RXFP1: variants seen among roughly 807,000 people sequenced by gnomAD.
The protein encoded by RXFP1 is relaxin receptor 1.
A neutral mutation model predicts 89.8 loss-of-function variants in RXFP1; 73 were observed. That is an observed-to-expected ratio of 0.81 (90% confidence interval 0.67 to 0.99). The LOEUF is 0.99. RXFP1 is among the 50% of genes least tolerant of loss of function. The pLI is 0.00. For missense variants in RXFP1, 793 were observed against 895.5 expected, an observed-to-expected ratio of 0.89 and a Z score of 1.46; for synonymous variants, 277 against 305.5, an observed-to-expected ratio of 0.91 and a Z score of 0.97.
chr4:158,593,567 C>A, intron 3 of RXFP1, 68 bp downstream of exon 3: 1 of 805,626 alleles, frequency 1.2e-6, no homozygotes, highest in South Asian at 2.7e-5. Context: ...AAGTTTGATT[C>A]AACATTTTAA....
chr4:158,524,872 G>T (rs1433487847), intron 1 of RXFP1, among the ~76,000 whole-genome samples: 3 of 152,092 alleles, frequency 2.0e-5, no homozygotes, highest in Non-Finnish European at 4.4e-5. Context: ...CAGGAAACAA[G>T]TGAAGATATA....
intron 1 of RXFP1, among the ~76,000 whole-genome samples, chr4:158,523,939 C>T (rs1035098664): frequency 2.0e-5 from 3 of 152,114 alleles, no homozygotes; most frequent in Admixed American, 6.6e-5. Flanking sequence ...TTTCCTGTAA[C>T]GGGAAAGGCG....
chr4:158,558,491 T>C (rs532086616), intron 1 of RXFP1, among the ~76,000 whole-genome samples: 1 of 152,330 alleles, frequency 6.6e-6, no homozygotes, highest in East Asian at 1.9e-4. Context: ...TATTTTAATA[T>C]AAATATATGT....
intron 1 of RXFP1, among the ~76,000 whole-genome samples, chr4:158,548,369 A>C (rs1749106838): frequency 6.6e-6 from 1 of 152,142 alleles, no homozygotes; most frequent in Non-Finnish European, 1.5e-5. Context: ...GGGTTTCCTG[A>C]ATACAGCACA....
chr4:158,564,449 C>T (rs924010149), intron 1 of RXFP1, among the ~76,000 whole-genome samples: 3 of 152,206 alleles, frequency 2.0e-5, no homozygotes, highest in Non-Finnish European at 4.4e-5. Flanking sequence ...ACCTTGAGAA[C>T]AGTGGCAGCC....
chr4:158,608,723 A>G (rs556617196), intron 6 of RXFP1, among the ~76,000 whole-genome samples: 1 of 152,232 alleles, frequency 6.6e-6, no homozygotes, highest in South Asian at 2.1e-4. Context: ...TCCACCTCCA[A>G]AACTTTTTCA....
intron 1 of RXFP1, among the ~76,000 whole-genome samples, chr4:158,554,857 A>C (rs1750934881): frequency 6.6e-6 from 1 of 152,190 alleles, no homozygotes; most frequent in African/African-American, 2.4e-5. Context: ...TAAACATTTT[A>C]AGTAGAAATG....
At chr4:158,624,273 C>G (rs1052541350) in intron 9 of RXFP1, among the ~76,000 whole-genome samples, 2 of 152,048 alleles carry the variant, frequency 1.3e-5, no homozygotes, top group Non-Finnish European at 2.9e-5. Context: ...TGTCAGGCAG[C>G]AAGTCAAGGG....
intron 1 of RXFP1, among the ~76,000 whole-genome samples, chr4:158,525,291 G>C (rs541617173): frequency 1.3e-4 from 19 of 151,562 alleles, no homozygotes; most frequent in African/African-American, 4.4e-4. Context: ...TACATGCCTA[G>C]ATTGCATCGT....
chr4:158,536,640 T>C (rs1745338618), intron 1 of RXFP1, among the ~76,000 whole-genome samples: 1 of 152,202 alleles, frequency 6.6e-6, no homozygotes, highest in Non-Finnish European at 1.5e-5. Flanking sequence ...TTGCAAATAC[T>C]GTATACAGTA....
At chr4:158,613,943 G>C (rs1481683035) in intron 8 of RXFP1, among the ~76,000 whole-genome samples, 2 of 152,170 alleles carry the variant, frequency 1.3e-5, no homozygotes, top group Non-Finnish European at 1.5e-5. Flanking sequence ...TGATCCATGG[G>C]CTGTAGAATG....
intron 9 of RXFP1, among the ~76,000 whole-genome samples, chr4:158,620,773 A>G (rs1326720414): frequency 6.6e-6 from 1 of 152,196 alleles, no homozygotes; most frequent in African/African-American, 2.4e-5. Context: ...ATAAAGTGAA[A>G]ACAATAGAAC....
At chr4:158,552,414 A>G (rs1243637868) in intron 1 of RXFP1, among the ~76,000 whole-genome samples, 1 of 152,222 alleles carries the variant, frequency 6.6e-6, no homozygotes, top group Non-Finnish European at 1.5e-5. Flanking sequence ...ATAAATGCTT[A>G]CTGAATGTGA....
chr4:158,650,561 G>T (rs931300608), intron 17 of RXFP1, among the ~76,000 whole-genome samples: 1 of 151,818 alleles, frequency 6.6e-6, no homozygotes, highest in Non-Finnish European at 1.5e-5. Context: ...TTGAGGTCAG[G>T]AGTTGGAGAC....
intron 13 of RXFP1, 87 bp downstream of exon 13, chr4:158,638,166 C>A (rs1769585479): frequency 2.7e-6 from 2 of 747,998 alleles, no homozygotes; most frequent in African/African-American, 1.8e-5. Flanking sequence ...TACTTCAAAT[C>A]ATAAGCTTTA....
chr4:158,606,285 A>ATTTT (rs914306525), intron 5 of RXFP1, among the ~76,000 whole-genome samples: 1 of 152,230 alleles, frequency 6.6e-6, no homozygotes, highest in Non-Finnish European at 1.5e-5. Flanking sequence ...GTGGCTTAGC[A>ATTTT]TTTTTGCACA....
chr4:158,620,962 A>T lies in RXFP1; in HGVS notation c.755+3757A>T, dbSNP rs923945118. On this transcript the variant is annotated intron_variant, in intron 9 of 17. Transcript: ENST00000307765. Reference sequence around the variant, plus strand: ...ATAGTGAGACTCTGTCTCTATTAAAATTTTTTTTAAAAAATTAGCTGAGCG... The same window carrying T: ...ATAGTGAGACTCTGTCTCTATTAAATTTTTTTTTAAAAAATTAGCTGAGCG... Among the ~76,000 whole-genome samples, 22 of 151,948 alleles carry T rather than the reference A, an allele frequency of 1.4e-4. 2 individuals carry two copies. The East Asian group carries it at 2.9e-3, about 20-fold the overall frequency.
At chr4:158,651,105 C>T (rs1042697468) in intron 17 of RXFP1, among the ~76,000 whole-genome samples, 8 of 152,110 alleles carry the variant, frequency 5.3e-5, no homozygotes, top group African/African-American at 1.9e-4. Flanking sequence ...GCCTGAGCGA[C>T]AGCATGAGAC....
chr4:158,603,552 T>G (rs537626149), intron 4 of RXFP1, among the ~76,000 whole-genome samples: 5 of 152,246 alleles, frequency 3.3e-5, no homozygotes, highest in African/African-American at 1.2e-4. Context: ...GGGAGACTTT[T>G]TAGACTTTTT....
Sources: gnomAD v4.1 joint callset for allele counts (sites outside exome capture counted in the v4.1 genomes callset) on GRCh38, gnomAD v4.1.1 for gene constraint, MANE v1.5 for transcripts, NCBI Gene and HGNC (gene_info 2026-07-23, HGNC 2026-07-21) for gene names.